The following SGK1 variants were observed in gnomAD, a reference collection of about 807,000 sequenced individuals.
SGK1 encodes serum/glucocorticoid regulated kinase 1, also known as serine/threonine-protein kinase Sgk1.
SGK1 carries 26 observed loss-of-function variants against 64.2 expected under a neutral mutation model. The ratio of observed to expected loss-of-function variants is 0.40; its 90% CI spans 0.30 to 0.56. SGK1 has a LOEUF of 0.56. SGK1 is among the 20% of genes least tolerant of loss of function. The probability of loss-of-function intolerance (pLI) is 0.38; values close to 1 mark genes in which losing one functional copy is unlikely to be tolerated. For missense variants in SGK1, 519 were observed against 645.6 expected (o/e 0.80, Z 2.12); for synonymous variants, 265 against 239.7 (o/e 1.11, Z -0.98).
intron 1 of SGK1, among the ~76,000 whole-genome samples, chr6:134,275,280 C>T (rs1207151206): frequency 6.6e-6 from 1 of 152,204 alleles, no homozygotes; most frequent in East Asian, 1.9e-4. Flanking sequence ...CTCCTGGCCT[C>T]AAGTGATCTG....
chr6:134,215,027 A>C (rs1291588847), intron 2 of SGK1: 4 of 452,474 alleles, frequency 8.8e-6, no homozygotes, highest in South Asian at 6.3e-5. Flanking sequence ...TAAACATCAG[A>C]AGATGGGGGT....
intron 3 of SGK1, chr6:134,175,913 G>T: frequency 1.7e-6 from 2 of 1,186,696 alleles, no homozygotes; most frequent in East Asian, 3.8e-5. Context: ...GGAAAAGGGG[G>T]AGGGAGAGGT....
At chr6:134,299,382 C>CA (rs1453906969) in intron 1 of SGK1, among the ~76,000 whole-genome samples, 10 of 151,492 alleles carry the variant, frequency 6.6e-5, no homozygotes, top group South Asian at 2.1e-4. Context: ...ACAAACAAAA[C>CA]AAAAAAAATA....
intron 3 of SGK1, 122 bp from the exon 4 acceptor site, chr6:134,174,708 G>A (rs1000487647): frequency 1.5e-5 from 24 of 1,613,826 alleles, no homozygotes; most frequent in Non-Finnish European, 1.6e-5. Context: ...TGGAGCAGAA[G>A]TCCCGCAAGA....
intron 3 of SGK1, among the ~76,000 whole-genome samples, chr6:134,189,225 T>TGTGTGTGCGC (rs1208636339): frequency 1.4e-5 from 2 of 143,160 alleles, no homozygotes; most frequent in African/African-American, 5.1e-5. Flanking sequence ...TGTGTGTGTG[T>TGTGTGTGCGC]GTGCGTGTGC....
At chr6:134,297,312 A>T (rs931668791) in intron 1 of SGK1, 2 of 1,232,380 alleles carry the variant, frequency 1.6e-6, no homozygotes, top group Admixed American at 1.7e-5. Context: ...GTACACACGC[A>T]GCTATCGCGC....
chr6:134,268,969 C>T (rs1434637803), intron 1 of SGK1, among the ~76,000 whole-genome samples: 1 of 142,824 alleles, frequency 7.0e-6, no homozygotes, highest in African/African-American at 2.5e-5. Context: ...AAAAAGCCAT[C>T]CAAAAGCAAT....
intron 2 of SGK1, among the ~76,000 whole-genome samples, chr6:134,249,141 G>GCATATT (rs1268200146): frequency 1.3e-5 from 2 of 152,130 alleles, no homozygotes; most frequent in Admixed American, 6.6e-5. Context: ...TCCTTAACAA[G>GCATATT]GTCAAAGTCA....
intron 3 of SGK1, among the ~76,000 whole-genome samples, chr6:134,203,553 C>T (rs1392060531): frequency 6.6e-6 from 1 of 151,948 alleles, no homozygotes; most frequent in Non-Finnish European, 1.5e-5. Flanking sequence ...AAAATCTAAC[C>T]ACATGATGTC....
chr6:134,206,363 ATATATATATATATATATATATTTTTT>A (rs1199222306), intron 3 of SGK1, among the ~76,000 whole-genome samples: 1 of 22,658 alleles, frequency 4.4e-5, no homozygotes, highest in African/African-American at 1.6e-4. Context: ...ATATATATAT[ATATATATATATATATATATATTTTTT>A]TTTTTTTTTT....
At chr6:134,313,720 T>G (rs1314828239) in intron 1 of SGK1, among the ~76,000 whole-genome samples, 1 of 152,128 alleles carries the variant, frequency 6.6e-6, no homozygotes, top group African/African-American at 2.4e-5. Context: ...TTCTGCAGCG[T>G]TAGATAGCCT....
At chr6:134,172,481 C>T in intron 9 of SGK1, 165 bp from the exon 10 acceptor site, 1 of 806,592 alleles carries the variant, frequency 1.2e-6, no homozygotes, top group Admixed American at 2.8e-5. Flanking sequence ...CTGGATTAGG[C>T]ACAATCCTAC....
At chr6:134,226,037 G>A (rs1315620791) in intron 2 of SGK1, among the ~76,000 whole-genome samples, 5 of 151,944 alleles carry the variant, frequency 3.3e-5, no homozygotes, top group Non-Finnish European at 4.4e-5. Context: ...ACCTAAGCCC[G>A]GGGAGGCTGA....
intron 3 of SGK1, among the ~76,000 whole-genome samples, chr6:134,188,234 C>A (rs1245664544): frequency 6.7e-6 from 1 of 150,160 alleles, no homozygotes; most frequent in African/African-American, 2.4e-5. Flanking sequence ...TTTTTTTGCT[C>A]ATTCAGAGAG....
chr6:134,239,810 C>T (rs1217657086), intron 2 of SGK1, among the ~76,000 whole-genome samples: 2 of 152,172 alleles, frequency 1.3e-5, no homozygotes, highest in Non-Finnish European at 2.9e-5. Context: ...AAATTATGCA[C>T]AGCATGTTGG....
chr6:134,227,623 G>A (rs1363277337), intron 2 of SGK1, among the ~76,000 whole-genome samples: 1 of 152,230 alleles, frequency 6.6e-6, no homozygotes, highest in African/African-American at 2.4e-5. Flanking sequence ...TTGTCCTAAA[G>A]TGCTTTACAT....
intron 3 of SGK1, among the ~76,000 whole-genome samples, chr6:134,176,769 C>A (rs1197528225): frequency 6.6e-6 from 1 of 152,192 alleles, no homozygotes. Flanking sequence ...GTTTGTTTTG[C>A]AGGCAAAACC....
At chr6:134,206,717 A>G (rs1179832549) in intron 3 of SGK1, among the ~76,000 whole-genome samples, 1 of 151,042 alleles carries the variant, frequency 6.6e-6, no homozygotes, top group Non-Finnish European at 1.5e-5. Flanking sequence ...AAATACAAAA[A>G]TTATCCAGGC....
intron 2 of SGK1, among the ~76,000 whole-genome samples, chr6:134,231,332 T>C (rs1439016309): frequency 6.6e-6 from 1 of 152,250 alleles, no homozygotes; most frequent in Non-Finnish European, 1.5e-5. Flanking sequence ...CATATATTTC[T>C]TTCTCCACCC....
Sources: allele counts gnomAD v4.1 joint callset (sites outside exome capture counted in the v4.1 genomes callset), GRCh38; gene constraint gnomAD v4.1.1; transcripts MANE v1.5; gene names NCBI Gene and HGNC (gene_info 2026-07-23, HGNC 2026-07-21).